The following ESRRB variants were observed in gnomAD, a reference collection of about 807,000 sequenced individuals.
ESRRB encodes the protein estrogen related receptor beta, also known as steroid hormone receptor ERR2.
In ESRRB, 16 loss-of-function variants were observed where a neutral mutation model predicts 46.0. The observed-to-expected ratio is 0.35, with a 90% CI of 0.24 to 0.53. The LOEUF (loss-of-function observed/expected upper bound fraction) is 0.53. ESRRB is among the 20% of genes least tolerant of loss of function. The pLI is 0.93. For synonymous variants in ESRRB, 246 were observed against 259.6 expected (o/e 0.95, Z 0.50); for missense variants, 488 against 607.4 (o/e 0.80, Z 2.07).
Position 76,500,512 on chromosome 14 carries a change from C to G in ESRRB, c.*2054C>G. 1 of 654,028 alleles carries G rather than the reference C, an allele frequency of 1.5e-6. No homozygotes were observed. Among genetic ancestry groups the G allele is most frequent in the South Asian group, 1.8e-5 (1 of 56,746 alleles). 40.5% of individuals were successfully genotyped at this position (654,028 alleles called of 1,614,324 possible). A position where few individuals can be genotyped will look rare whatever the true frequency, so the allele number is the denominator to read the frequency against. On this transcript the variant is annotated 3_prime_UTR_variant, in exon 7 of 7. Transcript: ENST00000644823. ...GAGGCTCTGCCCTGAGGTTCTGCTC[C>G]GGAGAAACCTTCACAGTAGAGACCT... is the stretch of plus-strand genomic sequence containing the variant.
Position 76,462,387 on chromosome 14 carries a change from A to G in ESRRB, c.461-158A>G, listed in dbSNP as rs11846937. ...CTGGAGTCTCCATATGGAAGAGTTCAAAATGTTCTGACAAGCACCTCAGAG... is the reference window on the plus strand; with the variant it reads ...CTGGAGTCTCCATATGGAAGAGTTCGAAATGTTCTGACAAGCACCTCAGAG... On this transcript the variant is annotated intron_variant, in intron 2 of 6. Transcript: ENST00000644823. Among the ~76,000 whole-genome samples the G allele has an allele frequency of 0.37, 55,997 of 152,044 alleles. 11,618 individuals are homozygous for G. Among genetic ancestry groups the G allele is most frequent in the African/African-American group, 0.57 (23,665 of 41,452 alleles).
chr14:76,352,336 T>C (rs115292131), intron 1 of ESRRB, among the ~76,000 whole-genome samples: 2 of 152,338 alleles, frequency 1.3e-5, no homozygotes, highest in East Asian at 1.9e-4. Flanking sequence ...TCAGAACCTG[T>C]TGGCGGCCAC....
intron 3 of ESRRB, among the ~76,000 whole-genome samples, chr14:76,469,747 T>C (rs1889278127): frequency 6.6e-6 from 1 of 152,106 alleles, no homozygotes; most frequent in African/African-American, 2.4e-5. Context: ...TATTGCTACC[T>C]GATCCCACTG....
intron 2 of ESRRB, among the ~76,000 whole-genome samples, chr14:76,447,243 CTCCTTCCTTCCTTCCTTCCTTCCTTCCT>C (rs11272399): frequency 0.011 from 1,443 of 133,358 alleles, 28 homozygotes; most frequent in African/African-American, 0.037. Context: ...TTTCTAAAGT[CTCCTTCCTTCCTTCCTTCCTTCCTTCCT>C]TCCTTCCTTC....
chr14:76,335,669 G>C (rs1412536848), intron 1 of ESRRB, among the ~76,000 whole-genome samples: 1 of 152,114 alleles, frequency 6.6e-6, no homozygotes, highest in Admixed American at 6.5e-5. Context: ...TGGTTGGTGG[G>C]TTCTAAGTTG....
At chr14:76,442,722 A>G (rs1402374240) in intron 2 of ESRRB, among the ~76,000 whole-genome samples, 1 of 151,988 alleles carries the variant, frequency 6.6e-6, no homozygotes, top group Non-Finnish European at 1.5e-5. Flanking sequence ...TAATCTACAT[A>G]TATTTAAATA....
chr14:76,478,958 C>T (rs1889692240), intron 3 of ESRRB, among the ~76,000 whole-genome samples: 1 of 152,160 alleles, frequency 6.6e-6, no homozygotes, highest in Admixed American at 6.5e-5. Context: ...AGCTGGATGG[C>T]ATCTAGCTGT....
At chr14:76,446,412 G>A (rs3742754) in intron 2 of ESRRB, among the ~76,000 whole-genome samples, 39,858 of 150,716 alleles carry the variant, frequency 0.26, 8,954 homozygotes, top group African/African-American at 0.62. Context: ...GCTGGGGGCT[G>A]TGATGACACT....
chr14:76,430,911 C>T (rs961774574), intron 1 of ESRRB, among the ~76,000 whole-genome samples: 3 of 152,200 alleles, frequency 2.0e-5, no homozygotes, highest in Non-Finnish European at 2.9e-5. Context: ...GCAAGCTGGA[C>T]GCTTATCAGG....
intron 3 of ESRRB, among the ~76,000 whole-genome samples, chr14:76,475,778 T>C (rs1246408969): frequency 6.6e-6 from 1 of 152,252 alleles, no homozygotes; most frequent in Non-Finnish European, 1.5e-5. Flanking sequence ...TAATTCTGTC[T>C]AGCTTTTTGA....
intron 2 of ESRRB, among the ~76,000 whole-genome samples, chr14:76,455,819 G>A (rs1888581334): frequency 6.6e-6 from 1 of 151,996 alleles, no homozygotes; most frequent in East Asian, 1.9e-4. Context: ...TGAGGCGGGT[G>A]GATCACCTGA....
intron 1 of ESRRB, among the ~76,000 whole-genome samples, chr14:76,363,015 T>G (rs937488514): frequency 1.3e-5 from 2 of 152,098 alleles, no homozygotes; most frequent in Non-Finnish European, 2.9e-5. Context: ...ATTTGCAGAG[T>G]TGTTGAGGAA....
intron 1 of ESRRB, among the ~76,000 whole-genome samples, chr14:76,356,921 C>T (rs1884385769): frequency 6.6e-6 from 1 of 152,164 alleles, no homozygotes; most frequent in Admixed American, 6.5e-5. Flanking sequence ...GGAAAGGGGC[C>T]TTGTTGGGCC....
At chr14:76,427,611 C>T (rs1478374075) in intron 1 of ESRRB, among the ~76,000 whole-genome samples, 1 of 152,180 alleles carries the variant, frequency 6.6e-6, no homozygotes, top group Non-Finnish European at 1.5e-5. Context: ...GACAGTCTTA[C>T]TTGCTTTAGC....
At position 76,491,586 on chromosome 14, in the gene ESRRB, G is replaced by A. The variant is rs193189009; in HGVS notation, c.990G>A (p.Glu330=). The A allele has an allele frequency of 1.9e-5, 30 of 1,590,686 alleles. No homozygotes were observed. In the Admixed American group the frequency reaches 5.2e-4, roughly 28 times the overall value. The stretch of plus-strand genomic sequence containing the variant: ...ACGCTGAGGACTACATCATGGATGA[G>A]GAGCACTCCCGCCTCGCGGGGCTGC... ...LVYAEDYIMD[E]EHSRLAGLLE... The change falls in exon 6 of 7, where the codon GAG becomes GAA. Residue 330 remains glutamate, a synonymous_variant. Coordinates refer to ENST00000644823, the MANE Select transcript of ESRRB (RefSeq NM_001379180.1).
chr14:76,399,461 C>T (rs1317746426), intron 1 of ESRRB, among the ~76,000 whole-genome samples: 1 of 152,134 alleles, frequency 6.6e-6, no homozygotes, highest in Non-Finnish European at 1.5e-5. Flanking sequence ...AGCAATGTCC[C>T]CGCCGCTCAT....
chr14:76,353,070 CT>C (rs1432584358), intron 1 of ESRRB, among the ~76,000 whole-genome samples: 1 of 152,128 alleles, frequency 6.6e-6, no homozygotes, highest in African/African-American at 2.4e-5. Flanking sequence ...TAGACCTTGG[CT>C]TTCTCTCTCT....
intron 1 of ESRRB, among the ~76,000 whole-genome samples, chr14:76,350,251 C>T (rs1478934305): frequency 2.0e-5 from 3 of 152,214 alleles, no homozygotes; most frequent in East Asian, 3.8e-4. Flanking sequence ...AAAGCATGTC[C>T]GCCCTCAAGC....
chr14:76,460,782 A>G (rs963341416), intron 2 of ESRRB, among the ~76,000 whole-genome samples: 2 of 148,802 alleles, frequency 1.3e-5, no homozygotes, highest in Admixed American at 1.3e-4. Context: ...GCTCACTGCA[A>G]CCTCCGCCTC....
Sources: gnomAD v4.1 joint callset for allele counts (sites outside exome capture counted in the v4.1 genomes callset) on GRCh38, gnomAD v4.1.1 for gene constraint, MANE v1.5 for transcripts, NCBI Gene and HGNC (gene_info 2026-07-23, HGNC 2026-07-21) for gene names.